OLFM2: variants seen among roughly 807,000 people sequenced by gnomAD.
OLFM2 encodes noelin-2.
In OLFM2, 20 loss-of-function variants were observed where a neutral mutation model predicts 43.9. The observed-to-expected ratio is 0.46, with a 90% CI of 0.32 to 0.66. The LOEUF is 0.66. OLFM2 is among the 30% of genes least tolerant of loss of function. The pLI, the probability that OLFM2 is intolerant of heterozygous loss-of-function variation, is 0.04. For synonymous variants in OLFM2, 268 were observed against 278.6 expected (o/e 0.96, Z 0.38); for missense variants, 416 against 643.6 (o/e 0.65, Z 3.83).
At chr19:9,913,572 C>T in intron 1 of OLFM2, 1 of 1,282,742 alleles carries the variant, frequency 7.8e-7, no homozygotes, top group Non-Finnish European at 1.0e-6. Flanking sequence ...GTGACCATGG[C>T]CATGGTGCTC....
Position 9,936,310 on chromosome 19 carries a change from G to A in OLFM2, c.57C>T (p.Ala19=), listed in dbSNP as rs779665049. 3.9e-6 allele frequency: 6 copies of A among 1,527,670 alleles called. No individual in the cohort carries two copies. The African/African-American group carries it at 8.3e-5, about 21-fold the overall frequency. 94.6% of individuals were successfully genotyped at this position (1,527,670 alleles called of 1,614,324 possible). The stretch of plus-strand genomic sequence containing the variant: ...CTGCCCGCCGGGCCCCTACCTGTCC[G>A]GCCAGGCCTGAGCACAGCAGCAGCA... The part of the protein sequence containing the change: ...PLLLLLCSGL[A]GQTLFQNPEE... The change falls in exon 1 of 6, where the codon GCC becomes GCT. Residue 19 remains alanine, a synonymous_variant. Transcript: ENST00000264833.
Position 9,863,364 on chromosome 19 carries a change from G to A in OLFM2, c.64-2570C>T, listed in dbSNP as rs147773131. Among the ~76,000 whole-genome samples, 555 of 152,128 alleles carry A rather than the reference G, an allele frequency of 3.6e-3. 2 individuals carry two copies. The highest frequency in any genetic ancestry group is 6.5e-3 in the Non-Finnish European group (445 of 67,984). ...GCCATGGAGGGTTCTGTGCAGAGGC[G>A]AGACGTGACCTTACTTGGGTGTTCA... On this transcript the variant is annotated intron_variant, in intron 1 of 5. Coordinates refer to ENST00000264833, the MANE Select transcript of OLFM2 (RefSeq NM_058164.4).
intron 1 of OLFM2, among the ~76,000 whole-genome samples, chr19:9,887,390 G>T (rs2145461309): frequency 6.6e-6 from 1 of 152,120 alleles, no homozygotes; most frequent in East Asian, 1.9e-4. Context: ...TGTTGGCCAG[G>T]CTGGTCTCAA....
chr19:9,889,766 T>A (rs2046621653), intron 1 of OLFM2, among the ~76,000 whole-genome samples: 2 of 152,048 alleles, frequency 1.3e-5, no homozygotes, highest in African/African-American at 4.8e-5. Context: ...AAATTGTGCA[T>A]CCACAGTGAA....
intron 1 of OLFM2, among the ~76,000 whole-genome samples, chr19:9,871,235 C>T (rs542678023): frequency 1.3e-5 from 2 of 151,252 alleles, no homozygotes; most frequent in East Asian, 3.9e-4. Context: ...GGTGCCACTG[C>T]ACTCTAGCCT....
At position 9,854,327 on chromosome 19, in the gene OLFM2, C is replaced by T; in HGVS notation, c.1224G>A (p.Val408=). The change falls in exon 6 of 6, where the codon GTG becomes GTA. Residue 408 remains valine (V), a synonymous_variant. Transcript: ENST00000264833. The surrounding 1 kb of genome is among the most constrained non-coding windows in gnomAD (Gnocchi z 9.5). Reference sequence around the variant, plus strand: ...TGTGGGAATACTGGTTGTGGAAGGGCACGTCCGTGTACTCGTAACTGGACG... The same window carrying T: ...TGTGGGAATACTGGTTGTGGAAGGGTACGTCCGTGTACTCGTAACTGGACG... ...TNTSSYEYTD[V]PFHNQYSHIS... is the part of the protein sequence containing the mutation. The T allele has an allele frequency of 6.2e-7, 1 of 1,614,154 alleles. No individual in the cohort carries two copies. Among genetic ancestry groups the T allele is most frequent in the Non-Finnish European group, 8.5e-7 (1 of 1,180,040 alleles).
At chr19:9,891,314 GAA>G (rs56109769) in intron 1 of OLFM2, among the ~76,000 whole-genome samples, 66,422 of 125,440 alleles carry the variant, frequency 0.53, 17,445 homozygotes, top group Middle Eastern at 0.63. Context: ...CTCCATCTCG[GAA>G]AAAAAAAAAA....
chr19:9,869,162 G>A (rs970243692), intron 1 of OLFM2, among the ~76,000 whole-genome samples: 12 of 152,076 alleles, frequency 7.9e-5, no homozygotes, highest in Non-Finnish European at 1.8e-4. Context: ...TCATTTATGC[G>A]GTTCTCAGTG....
At chr19:9,877,179 G>A (rs1380049872) in intron 1 of OLFM2, among the ~76,000 whole-genome samples, 8 of 148,478 alleles carry the variant, frequency 5.4e-5, no homozygotes, top group South Asian at 2.1e-4. Flanking sequence ...GCGATGAGCC[G>A]AGATGGTGCC....
At chr19:9,889,688 T>C (rs1425772950) in intron 1 of OLFM2, among the ~76,000 whole-genome samples, 6 of 152,168 alleles carry the variant, frequency 3.9e-5, no homozygotes, top group African/African-American at 1.4e-4. Flanking sequence ...CAGGCAGGTG[T>C]GAACACGTGT....
intron 1 of OLFM2, among the ~76,000 whole-genome samples, chr19:9,922,735 G>A (rs1365464386): frequency 3.3e-5 from 5 of 151,410 alleles, no homozygotes; most frequent in Non-Finnish European, 7.4e-5. Flanking sequence ...CTAGGCAACA[G>A]GGCAAAACCC....
At chr19:9,910,264 T>G (rs1396594487) in intron 1 of OLFM2, among the ~76,000 whole-genome samples, 1 of 152,084 alleles carries the variant, frequency 6.6e-6, no homozygotes, top group East Asian at 1.9e-4. Flanking sequence ...AATTAAATAA[T>G]TTCCCCCAAA....
intron 1 of OLFM2, among the ~76,000 whole-genome samples, chr19:9,934,272 T>C (rs967965186): frequency 2.0e-5 from 3 of 152,106 alleles, no homozygotes; most frequent in African/African-American, 4.8e-5. Flanking sequence ...GGTGGCCGCC[T>C]GGAGGCACTG....
intron 1 of OLFM2, among the ~76,000 whole-genome samples, chr19:9,889,226 T>C (rs1368132250): frequency 6.6e-6 from 1 of 151,910 alleles, no homozygotes; most frequent in Non-Finnish European, 1.5e-5. Context: ...ATGGTGTGTA[T>C]GTGTGCAACT....
intron 2 of OLFM2, among the ~76,000 whole-genome samples, chr19:9,858,941 C>A (rs1036420619): frequency 1.3e-5 from 2 of 151,464 alleles, no homozygotes; most frequent in East Asian, 1.9e-4. Flanking sequence ...CTAAGGTAGA[C>A]CCTCACCTGG....
chr19:9,924,406 CAAAAAA>C (rs1166738814), intron 1 of OLFM2, among the ~76,000 whole-genome samples: 8 of 25,784 alleles, frequency 3.1e-4, no homozygotes, highest in South Asian at 1.9e-3. Flanking sequence ...ACTCTGTCTC[CAAAAAA>C]AAAAAAAAAA....
chr19:9,874,218 A>G (rs969884547), intron 1 of OLFM2, among the ~76,000 whole-genome samples: 12 of 151,930 alleles, frequency 7.9e-5, no homozygotes, highest in African/African-American at 2.9e-4. Flanking sequence ...CTCAGTGGTT[A>G]TCACATGTCT....
intron 1 of OLFM2, among the ~76,000 whole-genome samples, chr19:9,910,737 A>G (rs763658549): frequency 1.3e-5 from 2 of 152,156 alleles, no homozygotes; most frequent in Non-Finnish European, 2.9e-5. Flanking sequence ...AGAAGAATGG[A>G]TCCATGAAAG....
chr19:9,888,674 G>A (rs938619427), intron 1 of OLFM2, among the ~76,000 whole-genome samples: 7 of 152,050 alleles, frequency 4.6e-5, no homozygotes, highest in African/African-American at 7.2e-5. Flanking sequence ...CCTCCAGAAC[G>A]TCAGGCAGGA....
Sources: allele counts gnomAD v4.1 joint callset (sites outside exome capture counted in the v4.1 genomes callset), GRCh38; gene constraint gnomAD v4.1.1; non-coding constraint Gnocchi (gnomAD v3.1); transcripts MANE v1.5; gene names NCBI Gene and HGNC (gene_info 2026-07-23, HGNC 2026-07-21).